The following RHCE variants were observed in gnomAD, a reference collection of about 807,000 sequenced individuals.
The protein encoded by RHCE is Rh blood group CcEe antigens.
A neutral mutation model predicts 43.8 loss-of-function variants in RHCE; 22 were observed. The observed-to-expected ratio is 0.50, with a 90% CI of 0.36 to 0.72. The LOEUF is 0.72. Ranked by LOEUF, RHCE falls within the 30% of genes least tolerant of loss-of-function variation. The pLI is 0.00. For missense variants in RHCE, 385 were observed against 525.4 expected (o/e 0.73, Z 2.61); for synonymous variants, 156 against 210.7 (o/e 0.74, Z 2.25).
At chr1:25,370,611 T>G in intron 8 of RHCE, 71 bp from the exon 9 acceptor site, 1 of 1,373,382 alleles carries the variant, frequency 7.3e-7, no homozygotes, top group East Asian at 2.3e-5. Flanking sequence ...TTAATCAAAA[T>G]ATTGTGTGTG....
chr1:25,390,730 AGGG>A lies in RHCE; in HGVS notation c.801+16_801+18del. On this transcript the variant is annotated intron_variant, in intron 5 of 9. Coordinates refer to ENST00000294413, the MANE Select transcript of RHCE (RefSeq NM_020485.8). ...TCCTGTTAGACCCAAGTGCTGCCCA[AGGG>A]CAGCGCCCTGCTCACCATGCTGATC... The A allele has an allele frequency of 6.2e-7, 1 of 1,614,114 alleles. No homozygotes were observed. The highest frequency in any genetic ancestry group is 8.5e-7 in the Non-Finnish European group (1 of 1,179,968).
At chr1:25,388,140 TG>T (rs1646242312) in intron 6 of RHCE, among the ~76,000 whole-genome samples, 1 of 147,670 alleles carries the variant, frequency 6.8e-6, no homozygotes, top group African/African-American at 2.5e-5. Flanking sequence ...ATGCACTCCC[TG>T]AATAGCCCCT....
At position 25,408,307 on chromosome 1, in the gene RHCE, T is replaced by A. The variant is rs1429736752; in HGVS notation, c.335+376A>T. 1.4e-4 allele frequency among the ~76,000 whole-genome samples: 17 copies of A among 117,680 alleles called. 4 individuals are homozygous for A. The allele number at this position is 117,680 out of a possible 152,430, so 77.2% of individuals were successfully genotyped here. A position where few individuals can be genotyped will look rare whatever the true frequency, so the allele number is the denominator to read the frequency against. ...CGTCTCAAAAAAGAAAAAAAAAAAA[T>A]AGAATGTCTCTCTAGGTGTGGCATG... On this transcript the variant is annotated intron_variant, in intron 2 of 9. Coordinates refer to ENST00000294413, the MANE Select transcript of RHCE (RefSeq NM_020485.8).
Position 25,370,401 on chromosome 1 carries a change from A to C in RHCE, c.1227+66T>G. On this transcript the variant is annotated intron_variant, in intron 9 of 9. Coordinates refer to ENST00000294413, the MANE Select transcript of RHCE (RefSeq NM_020485.8). The stretch of plus-strand genomic sequence containing the variant: ...ACTCATAAACAGCAAGTCAACATAT[A>C]TACCCAGGTATGTTTTTAAGTTCAT... 4 of 1,354,302 alleles carry C rather than the reference A, an allele frequency of 3.0e-6. No homozygotes were observed. The South Asian group carries it at 4.7e-5, about 16-fold the overall frequency. 83.9% of individuals were successfully genotyped at this position (1,354,302 alleles called of 1,614,324 possible).
At chr1:25,417,259 T>G (rs1272173799) in intron 1 of RHCE, among the ~76,000 whole-genome samples, 1 of 152,114 alleles carries the variant, frequency 6.6e-6, no homozygotes, top group Non-Finnish European at 1.5e-5. Flanking sequence ...TCAAAATGTC[T>G]TTTTAGAATT....
rs1646794031 is a variant in RHCE, at chr1:25,402,706, A to G, written c.376T>C (p.Ser126Pro). ...ACCTTCCCCAAGACAGCACCCGCTGAGATCAGCACCGACATAGCACTCATG... is the reference window on the plus strand; with the variant it reads ...ACCTTCCCCAAGACAGCACCCGCTGGGATCAGCACCGACATAGCACTCATG... ...ATMSAMSVLI[S>P]AGAVLGKVNL... is the part of the protein sequence containing the mutation. Residue 126 changes from serine to proline, a missense_variant, in exon 3 of 10, where the codon TCA becomes CCA. Ser to Pro is a moderately conservative substitution (Grantham distance 74). Transcript: ENST00000294413. The G allele has an allele frequency of 6.2e-7, 1 of 1,614,170 alleles. No individual in the cohort carries two copies. The highest frequency in any genetic ancestry group is 1.3e-5 in the African/African-American group (1 of 75,026).
At chr1:25,377,820 G>C (rs1201376129) in intron 7 of RHCE, among the ~76,000 whole-genome samples, 3 of 152,194 alleles carry the variant, frequency 2.0e-5, no homozygotes, top group African/African-American at 4.8e-5. Flanking sequence ...TATGAGAATT[G>C]CTTGAACCTG....
At chr1:25,406,475 G>A (rs145452613) in intron 2 of RHCE, among the ~76,000 whole-genome samples, 1,500 of 118,900 alleles carry the variant, frequency 0.013, 169 homozygotes, top group African/African-American at 0.035. Flanking sequence ...ACAATGCCCA[G>A]CTAATTTTTG....
intron 6 of RHCE, among the ~76,000 whole-genome samples, chr1:25,386,118 T>C (rs186761564): frequency 6.6e-6 from 1 of 152,296 alleles, no homozygotes; most frequent in East Asian, 1.9e-4. Flanking sequence ...GACCACACTA[T>C]GAGTAGCAAG....
In RHCE at chr1:25,392,000, T is replaced by G. The variant is rs774947339; in HGVS notation, c.628A>C (p.Met210Leu). ...CACCCCACCTTGTCCTTACCCAGCA[T>G]GGCAGACAAACTGGGTATCGTTGCT... ...QRATIPSLSA[M>L]LGALFLWMFW... is the part of the protein sequence containing the mutation. Residue 210 changes from methionine (M) to leucine (L), a missense_variant, in exon 4 of 10, where the codon ATG becomes CTG. This residue lies in a region of RHCE where 110 missense variants were observed against 103.4 expected (regional missense o/e 1.06). Transcript: ENST00000294413. 2.0e-5 allele frequency: 32 copies of G among 1,613,904 alleles called. No individual in the cohort carries two copies. Among genetic ancestry groups the G allele is most frequent in the Non-Finnish European group, 2.5e-5 (29 of 1,180,010 alleles).
At chr1:25,401,266 T>A (rs1018350178) in intron 3 of RHCE, among the ~76,000 whole-genome samples, 2 of 152,188 alleles carry the variant, frequency 1.3e-5, no homozygotes, top group African/African-American at 4.8e-5. Context: ...TACCCTCATA[T>A]TACAGACGAA....
chr1:25,425,879 T>C (rs2042802046), intron 2 of RHCE, among the ~76,000 whole-genome samples: 1 of 152,252 alleles, frequency 6.6e-6, no homozygotes, highest in Admixed American at 6.5e-5. Context: ...GGGTGTGACC[T>C]TGCTCTGGGC....
At chr1:25,410,391 T>C (rs541042311) in intron 1 of RHCE, among the ~76,000 whole-genome samples, 2 of 152,296 alleles carry the variant, frequency 1.3e-5, no homozygotes, top group South Asian at 2.1e-4. Flanking sequence ...ATGTTTTACT[T>C]TTTTAGTTTT....
At chr1:25,425,204 C>A (rs2042796556), upstream of RHCE, among the ~76,000 whole-genome samples, 1 of 152,164 alleles carries the variant, frequency 6.6e-6, no homozygotes, top group South Asian at 2.1e-4. Context: ...GCTGTTGTAT[C>A]CTCAGCACCA....
chr1:25,412,515 C>T (rs182978879), intron 1 of RHCE, among the ~76,000 whole-genome samples: 5 of 152,074 alleles, frequency 3.3e-5, no homozygotes, highest in Non-Finnish European at 5.9e-5. Flanking sequence ...GAGTTCAAGA[C>T]CAGCCTAGGC....
chr1:25,398,712 A>G (rs940349108), intron 3 of RHCE: 1 of 1,587,350 alleles, frequency 6.3e-7, no homozygotes, highest in African/African-American at 1.4e-5. Flanking sequence ...TCTCCGCCTC[A>G]GGAACGAGAT....
At chr1:25,393,165 T>C (rs1646433450) in intron 3 of RHCE, among the ~76,000 whole-genome samples, 1 of 152,158 alleles carries the variant, frequency 6.6e-6, no homozygotes, top group African/African-American at 2.4e-5. Context: ...ATACCCAGAA[T>C]TGGCAGGATT....
intron 1 of RHCE, among the ~76,000 whole-genome samples, chr1:25,415,709 A>T (rs971956186): frequency 6.6e-6 from 1 of 152,072 alleles, no homozygotes; most frequent in African/African-American, 2.4e-5. Flanking sequence ...CAATTCATTT[A>T]TCCTTTCAAC....
At chr1:25,393,521 T>C (rs1285924782) in intron 3 of RHCE, among the ~76,000 whole-genome samples, 2 of 152,196 alleles carry the variant, frequency 1.3e-5, no homozygotes, top group African/African-American at 4.8e-5. Flanking sequence ...CCTGGGAGGC[T>C]GAGGCAGGAG....
Sources: allele counts gnomAD v4.1 joint callset (sites outside exome capture counted in the v4.1 genomes callset), GRCh38; gene constraint gnomAD v4.1.1; regional missense constraint gnomAD v4.1.1; transcripts MANE v1.5; gene names NCBI Gene and HGNC (gene_info 2026-07-23, HGNC 2026-07-21).